CLEC2D: variants seen among roughly 807,000 people sequenced by gnomAD.
CLEC2D encodes the protein C-type lectin domain family 2 member D.
A neutral mutation model predicts 20.0 loss-of-function variants in CLEC2D; 16 were observed. The ratio of observed to expected loss-of-function variants is 0.80; its 90% CI spans 0.54 to 1.22. The LOEUF is 1.22. Among genes scored for constraint, CLEC2D ranks in the 50% most tolerant of loss-of-function variants. The pLI, the probability that CLEC2D is intolerant of heterozygous loss-of-function variation, is 0.00. For synonymous variants in CLEC2D, 77 were observed against 71.1 expected (o/e 1.08, Z -0.42); for missense variants, 207 against 221.5 (o/e 0.93, Z 0.42).
chr12:9,681,503 T>C (rs1865634839), intron 2 of CLEC2D, among the ~76,000 whole-genome samples: 1 of 152,222 alleles, frequency 6.6e-6, no homozygotes, highest in Non-Finnish European at 1.5e-5. Context: ...TTTTTTAGCA[T>C]ATGTAGCCCA....
rs757268715 is a variant in CLEC2D at position 9,694,747 on chromosome 12, T to G, written c.462-13T>G. 65 of 1,479,022 alleles carry G rather than the reference T, an allele frequency of 4.4e-5. No individual in the cohort carries two copies. In the South Asian group the frequency reaches 4.5e-4, roughly 10 times the overall value. The allele number at this position is 1,479,022 out of a possible 1,614,324, so 91.6% of individuals were successfully genotyped here. On this transcript the variant is annotated splice_polypyrimidine_tract_variant and intron_variant, in intron 4 of 4. Coordinates refer to ENST00000290855, the MANE Select transcript of CLEC2D (RefSeq NM_013269.6). Reference sequence around the variant, plus strand: ...TGTTCAGTGGCCAACTGATTCTGCTTCTTCTCTTGCAGGTTTCCTATCCTG... The same window carrying G: ...TGTTCAGTGGCCAACTGATTCTGCTGCTTCTCTTGCAGGTTTCCTATCCTG...
intron 3 of CLEC2D, among the ~76,000 whole-genome samples, chr12:9,689,672 G>T (rs1484366836): frequency 6.6e-6 from 1 of 151,840 alleles, no homozygotes; most frequent in Non-Finnish European, 1.5e-5. Context: ...TTGTAAAAAA[G>T]AACCAAGCAA....
rs1032470478 is a variant in CLEC2D at position 9,695,815 on chromosome 12, C to G, written c.*941C>G. On this transcript the variant is annotated 3_prime_UTR_variant, in exon 5 of 5. Transcript: ENST00000290855. Reference sequence around the variant, plus strand: ...AAGTATATCTGGAAAGCAGTCTGCCCCTGGAGGTGGGCAGAAAAAAGTAAA... The same window carrying G: ...AAGTATATCTGGAAAGCAGTCTGCCGCTGGAGGTGGGCAGAAAAAAGTAAA... The G allele has an allele frequency of 5.6e-6, 7 of 1,238,978 alleles. No individual in the cohort carries two copies. The African/African-American group carries it at 1.0e-4, about 18-fold the overall frequency. The allele number at this position is 1,238,978 out of a possible 1,614,324, so 76.7% of individuals were successfully genotyped here. A position where few individuals can be genotyped will look rare whatever the true frequency, so the allele number is the denominator to read the frequency against.
At position 9,696,974 on chromosome 12, in the gene CLEC2D, A is replaced by G. The variant is rs1866009165; in HGVS notation, c.*2100A>G. 6.6e-6 allele frequency: 1 copy of G among 152,132 alleles called. No individual in the cohort carries two copies. Among genetic ancestry groups the G allele is most frequent in the Non-Finnish European group, 1.5e-5 (1 of 68,018 alleles). 9.4% of individuals were successfully genotyped at this position (152,132 alleles called of 1,614,324 possible). On this transcript the variant is annotated 3_prime_UTR_variant, in exon 5 of 5. Transcript: ENST00000290855. The stretch of plus-strand genomic sequence containing the variant: ...TACGGAACTAACTGAAGTGACCATT[A>G]ACAGATGAATGGATAAAGAAATTGT...
chr12:9,671,665 A>C lies in CLEC2D; in HGVS notation c.61+1870A>C, dbSNP rs967700694. On this transcript the variant is annotated intron_variant, in intron 1 of 4. Coordinates refer to ENST00000290855, the MANE Select transcript of CLEC2D (RefSeq NM_013269.6). ...ACGTGGTATTTTCACACTCTATTTG[A>C]GATAGGAGTTTGCTTTTCTGTTCCT... 2.6e-5 allele frequency among the ~76,000 whole-genome samples: 4 copies of C among 152,286 alleles called. No individual in the cohort carries two copies. The South Asian group carries it at 8.3e-4, about 32-fold the overall frequency.
intron 3 of CLEC2D, 81 bp from the exon 4 acceptor site, chr12:9,692,744 TAAG>T: frequency 1.2e-6 from 1 of 850,076 alleles, no homozygotes; most frequent in Non-Finnish European, 1.8e-6. Context: ...TATGAGTAGT[TAAG>T]AATATAGCAT....
At position 9,677,569 on chromosome 12, in the gene CLEC2D, T is replaced by A. The variant is rs1865546426; in HGVS notation, c.62-3354T>A. Among the ~76,000 whole-genome samples, 3 of 152,314 alleles carry A rather than the reference T, an allele frequency of 2.0e-5. No homozygotes were observed. The South Asian group carries it at 6.2e-4, about 32-fold the overall frequency. On this transcript the variant is annotated intron_variant, in intron 1 of 4. Coordinates refer to ENST00000290855, the MANE Select transcript of CLEC2D (RefSeq NM_013269.6). ...CTATTATGGTGATTATTCCATGTAA[T>A]CTTGAGAGTGTGTATTCTGCTGTTG...
chr12:9,694,964 C>T lies in CLEC2D; in HGVS notation c.*90C>T. The stretch of plus-strand genomic sequence containing the variant: ...TGAGCAAAGAATTTATTTCTTATAC[C>T]AACAGGTATATGAAAATATGCTCAA... On this transcript the variant is annotated 3_prime_UTR_variant, in exon 5 of 5. Coordinates refer to ENST00000290855, the MANE Select transcript of CLEC2D (RefSeq NM_013269.6). 1.4e-6 allele frequency: 1 copy of T among 694,126 alleles called. No individual in the cohort carries two copies. Among genetic ancestry groups the T allele is most frequent in the Middle Eastern group, 3.7e-4 (1 of 2,672 alleles). 43.0% of individuals were successfully genotyped at this position (694,126 alleles called of 1,614,324 possible).
chr12:9,687,853 AT>A, intron 2 of CLEC2D, 48 bp from the exon 3 acceptor site: 1 of 1,159,902 alleles, frequency 8.6e-7, no homozygotes, highest in Non-Finnish European at 1.2e-6. Context: ...ATACAATACA[AT>A]ATAAAAGTAA....
chr12:9,691,043 G>A (rs1200074180), intron 3 of CLEC2D, among the ~76,000 whole-genome samples: 1 of 151,924 alleles, frequency 6.6e-6, no homozygotes, highest in Non-Finnish European at 1.5e-5. Context: ...TTAGATATAA[G>A]GACACAAAGA....
At chr12:9,682,490 G>C (rs1013540138) in intron 2 of CLEC2D, among the ~76,000 whole-genome samples, 1 of 152,016 alleles carries the variant, frequency 6.6e-6, no homozygotes, top group African/African-American at 2.4e-5. Context: ...TCTATATTAG[G>C]TATTTCTCCT....
Position 9,695,868 on chromosome 12 carries a change from TGATGAA to T in CLEC2D, c.*1000_*1005del, listed in dbSNP as rs1251454385. On this transcript the variant is annotated 3_prime_UTR_variant, in exon 5 of 5. Coordinates refer to ENST00000290855, the MANE Select transcript of CLEC2D (RefSeq NM_013269.6). ...TTGCTGCTGCTGCTGATGATGATGATGATGAAGATGATGATGATGATGATGACGAGG... is the reference window on the plus strand; with the variant it reads ...TTGCTGCTGCTGCTGATGATGATGATGATGATGATGATGATGATGACGAGG... 18 of 1,057,370 alleles carry T rather than the reference TGATGAA, an allele frequency of 1.7e-5. No individual in the cohort carries two copies. The African/African-American group carries it at 1.9e-4, about 11-fold the overall frequency. 65.5% of individuals were successfully genotyped at this position (1,057,370 alleles called of 1,614,324 possible).
At chr12:9,693,974 T>C (rs1356688870) in intron 4 of CLEC2D, 2 of 201,838 alleles carry the variant, frequency 9.9e-6, no homozygotes. Flanking sequence ...CTTGGCTTTT[T>C]TTTTTTTTTT....
intron 3 of CLEC2D, among the ~76,000 whole-genome samples, chr12:9,690,404 A>G (rs1169137498): frequency 6.6e-6 from 1 of 152,130 alleles, no homozygotes; most frequent in Non-Finnish European, 1.5e-5. Context: ...CTAGACAGCA[A>G]TTCAGAGCCT....
Position 9,696,754 on chromosome 12 carries a change from G to A in CLEC2D, c.*1880G>A, listed in dbSNP as rs1048558584. ...GGAGAAGACGGAACCCTTGTACACAGTTGGTGGGAACACAGTTTGGTGCAG... is the reference window on the plus strand; with the variant it reads ...GGAGAAGACGGAACCCTTGTACACAATTGGTGGGAACACAGTTTGGTGCAG... On this transcript the variant is annotated 3_prime_UTR_variant, in exon 5 of 5. Transcript: ENST00000290855. 16 of 153,312 alleles carry A rather than the reference G, an allele frequency of 1.0e-4. No homozygotes were observed. Among genetic ancestry groups the A allele is most frequent in the African/African-American group, 2.9e-4 (12 of 41,560 alleles). The allele number at this position is 153,312 out of a possible 1,614,324, so 9.5% of individuals were successfully genotyped here. A position where few individuals can be genotyped will look rare whatever the true frequency, so the allele number is the denominator to read the frequency against.
intron 3 of CLEC2D, among the ~76,000 whole-genome samples, chr12:9,690,975 A>G (rs989262880): frequency 6.6e-6 from 1 of 152,108 alleles, no homozygotes; most frequent in African/African-American, 2.4e-5. Context: ...GCTAAAAACT[A>G]AAATAAATTA....
chr12:9,694,500 GCT>G (rs2120986974), intron 4 of CLEC2D, among the ~76,000 whole-genome samples: 1 of 152,254 alleles, frequency 6.6e-6, no homozygotes, highest in African/African-American at 2.4e-5. Flanking sequence ...GCCAGCTAAG[GCT>G]TTGGATGTAC....
chr12:9,674,068 G>C (rs1180187782), intron 1 of CLEC2D: 1 of 152,330 alleles, frequency 6.6e-6, no homozygotes, highest in African/African-American at 2.4e-5. Context: ...TCTCCTCCTT[G>C]GCTTCAGCCC....
intron 3 of CLEC2D, among the ~76,000 whole-genome samples, chr12:9,691,420 C>T (rs1465824827): frequency 6.6e-6 from 1 of 152,102 alleles, no homozygotes; most frequent in South Asian, 2.1e-4. Context: ...TTATCCCTAA[C>T]AGGCATATAC....
Sources: gnomAD v4.1 joint callset for allele counts (sites outside exome capture counted in the v4.1 genomes callset) on GRCh38, gnomAD v4.1.1 for gene constraint, MANE v1.5 for transcripts, NCBI Gene and HGNC (gene_info 2026-07-23, HGNC 2026-07-21) for gene names.